The following STAM2 variants were observed in gnomAD, a reference collection of about 807,000 sequenced individuals.
STAM2 encodes signal transducing adapter molecule 2.
A neutral mutation model predicts 65.6 loss-of-function variants in STAM2; 51 were observed. That is an observed-to-expected ratio of 0.78 (90% CI 0.62 to 0.98). The LOEUF (loss-of-function observed/expected upper bound fraction) is 0.98, where lower values mean the gene tolerates loss of function less well. Ranked by LOEUF, STAM2 falls within the 50% of genes least tolerant of loss-of-function variation. The pLI, the probability that STAM2 is intolerant of heterozygous loss-of-function variation, is 0.00. For synonymous variants in STAM2, 198 were observed against 208.4 expected, an observed-to-expected ratio of 0.95 and a Z score of 0.43; for missense variants, 584 against 617.8, an observed-to-expected ratio of 0.95 and a Z score of 0.58.
rs1162441884 is a variant in STAM2, at chr2:152,118,460, A to ATATATATATATATG, written c.*2113_*2114insCATATATATATATA. 2 of 149,134 alleles carry ATATATATATATATG rather than the reference A, an allele frequency of 1.3e-5. No individual in the cohort carries two copies. Among genetic ancestry groups the ATATATATATATATG allele is most frequent in the African/African-American group, 4.9e-5 (2 of 40,676 alleles). 9.2% of individuals were successfully genotyped at this position (149,134 alleles called of 1,614,324 possible). A position where few individuals can be genotyped will look rare whatever the true frequency, so the allele number is the denominator to read the frequency against. ...ATACTATATATTTATATATATATATATGTGTCATGTTTTATTATTCTAAAA... is the reference window on the plus strand; with the variant it reads ...ATACTATATATTTATATATATATATATATATATATATATGTGTGTCATGTTTTATTATTCTAAAA... On this transcript the variant is annotated 3_prime_UTR_variant, in exon 14 of 14. Coordinates refer to ENST00000263904, the MANE Select transcript of STAM2 (RefSeq NM_005843.6).
chr2:152,120,647 C>T lies in STAM2; in HGVS notation c.1505G>A (p.Gly502Asp). Residue 502 changes from glycine to aspartate, a missense_variant, in exon 14 of 14, where the codon GGC (glycine) becomes GAC (aspartate). Coordinates refer to ENST00000263904, the MANE Select transcript of STAM2 (RefSeq NM_005843.6). ...NTTSNLPQLAGFPVTVPAHPV... is the reference protein window; with the variant it reads ...NTTSNLPQLADFPVTVPAHPV... Reference sequence around the variant, plus strand: ...ATGAGCTGGAACTGTCACCGGAAAGCCTGCCAGTTGAGGCAAATTGGAAGT... The same window carrying T: ...ATGAGCTGGAACTGTCACCGGAAAGTCTGCCAGTTGAGGCAAATTGGAAGT... 6.2e-7 allele frequency: 1 copy of T among 1,614,108 alleles called. No individual in the cohort carries two copies. The highest frequency in any genetic ancestry group is 8.5e-7 in the Non-Finnish European group (1 of 1,180,022).
At chr2:152,161,494 T>TAAAAAA (rs10714838) in intron 1 of STAM2, among the ~76,000 whole-genome samples, 44 of 103,504 alleles carry the variant, frequency 4.3e-4, no homozygotes, top group South Asian at 6.9e-4. Flanking sequence ...GAATGATCAA[T>TAAAAAA]AAAAAAAAAA....
chr2:152,124,864 C>T (rs771362065), intron 12 of STAM2, among the ~76,000 whole-genome samples: 1 of 152,136 alleles, frequency 6.6e-6, no homozygotes, highest in African/African-American at 2.4e-5. Flanking sequence ...GTAGCCTACA[C>T]AATATAACTA....
At chr2:152,138,892 G>A (rs1017948878) in intron 7 of STAM2, among the ~76,000 whole-genome samples, 8 of 152,138 alleles carry the variant, frequency 5.3e-5, no homozygotes, top group Admixed American at 2.0e-4. Context: ...GGATGCAAGC[G>A]TTTTATATGA....
Position 152,116,833 on chromosome 2 carries a change from G to A in STAM2, c.*3741C>T, listed in dbSNP as rs1456485840. On this transcript the variant is annotated 3_prime_UTR_variant, in exon 14 of 14. Transcript: ENST00000263904. ...TAAATAACTTTTATTAGAGTATATT[G>A]TTACAACTCTTTCATCTTATTAGTT... is the stretch of plus-strand genomic sequence containing the variant. The A allele has an allele frequency of 6.6e-6, 1 of 152,196 alleles. No individual in the cohort carries two copies. The highest frequency in any genetic ancestry group is 1.5e-5 in the Non-Finnish European group (1 of 68,036). 9.4% of individuals were successfully genotyped at this position (152,196 alleles called of 1,614,324 possible).
intron 1 of STAM2, among the ~76,000 whole-genome samples, chr2:152,159,739 TC>T (rs946348765): frequency 5.9e-5 from 9 of 152,118 alleles, no homozygotes; most frequent in African/African-American, 2.2e-4. Flanking sequence ...CCCCACAGTC[TC>T]CCTCTCCCTC....
chr2:152,128,379 C>T (rs1482219274), intron 11 of STAM2, among the ~76,000 whole-genome samples: 1 of 151,738 alleles, frequency 6.6e-6, no homozygotes, highest in Admixed American at 6.6e-5. Flanking sequence ...CACCACTGCA[C>T]TCCAGCCTGG....
At position 152,119,778 on chromosome 2, in the gene STAM2, G is replaced by C. The variant is rs1313071033; in HGVS notation, c.*796C>G. On this transcript the variant is annotated 3_prime_UTR_variant, in exon 14 of 14. Coordinates refer to ENST00000263904, the MANE Select transcript of STAM2 (RefSeq NM_005843.6). ...TTTCCTCAGGGAATGGAAATGTTTT[G>C]TGGGACATTCCTTCACAGTTGGCAT... 1.3e-5 allele frequency: 2 copies of C among 152,194 alleles called. No individual in the cohort carries two copies. Among genetic ancestry groups the C allele is most frequent in the Non-Finnish European group, 2.9e-5 (2 of 68,034 alleles). The allele number at this position is 152,194 out of a possible 1,614,324, so 9.4% of individuals were successfully genotyped here. A position where few individuals can be genotyped will look rare whatever the true frequency, so the allele number is the denominator to read the frequency against.
At position 152,129,832 on chromosome 2, in the gene STAM2, T is replaced by C. The variant is rs114266295; in HGVS notation, c.1025+2282A>G. ...ATGTGTAACGAGATATTTAATGCTT[T>C]CTCTAAAATATGGCAAAACTACTGT... is the stretch of plus-strand genomic sequence containing the variant. On this transcript the variant is annotated intron_variant, in intron 11 of 13. Coordinates refer to ENST00000263904, the MANE Select transcript of STAM2 (RefSeq NM_005843.6). 5.3e-3 allele frequency among the ~76,000 whole-genome samples: 801 copies of C among 152,336 alleles called. 4 individuals carry two copies. The highest frequency in any genetic ancestry group is 0.018 in the African/African-American group (763 of 41,566).
chr2:152,133,054 GT>G (rs1305790604), intron 10 of STAM2, 118 bp downstream of exon 10: 2 of 362,380 alleles, frequency 5.5e-6, no homozygotes, highest in Non-Finnish European at 9.1e-6. Flanking sequence ...GTACTAGTCT[GT>G]TCCCCACCGG....
intron 7 of STAM2, among the ~76,000 whole-genome samples, chr2:152,140,624 T>G (rs1352640907): frequency 6.6e-6 from 1 of 152,236 alleles, no homozygotes; most frequent in Non-Finnish European, 1.5e-5. Context: ...GTTTTACTTT[T>G]TAACATGGGG....
chr2:152,151,700 C>A (rs1170425464), intron 1 of STAM2, among the ~76,000 whole-genome samples: 2 of 152,178 alleles, frequency 1.3e-5, no homozygotes, highest in Non-Finnish European at 2.9e-5. Flanking sequence ...TACGCAACCA[C>A]TTGTCTACTT....
Position 152,119,116 on chromosome 2 carries a change from G to A in STAM2, c.*1458C>T, listed in dbSNP as rs538020755. Reference sequence around the variant, plus strand: ...ACAAATATAGAAATCTTGCTTCCACGTAACTTTTTAAAAACTAATGTCCAT... The same window carrying A: ...ACAAATATAGAAATCTTGCTTCCACATAACTTTTTAAAAACTAATGTCCAT... On this transcript the variant is annotated 3_prime_UTR_variant, in exon 14 of 14. Transcript: ENST00000263904. The A allele has an allele frequency of 2.6e-5, 4 of 152,106 alleles. No individual in the cohort carries two copies. The highest frequency in any genetic ancestry group is 1.9e-4 in the East Asian group (1 of 5,182). 9.4% of individuals were successfully genotyped at this position (152,106 alleles called of 1,614,324 possible). A position where few individuals can be genotyped will look rare whatever the true frequency, so the allele number is the denominator to read the frequency against.
chr2:152,131,950 TA>T lies in STAM2; in HGVS notation c.1025+163del, dbSNP rs543782439. On this transcript the variant is annotated intron_variant, in intron 11 of 13. Coordinates refer to ENST00000263904, the MANE Select transcript of STAM2 (RefSeq NM_005843.6). ...GTTTTTTAGAAAAACAAAAACAAGATAAAAAGCACCACCTTGCTATAAATTT... is the reference window on the plus strand; with the variant it reads ...GTTTTTTAGAAAAACAAAAACAAGATAAAAGCACCACCTTGCTATAAATTT... 2.6e-4 allele frequency: 147 copies of T among 571,518 alleles called. 3 individuals are homozygous for T. In the East Asian group the frequency reaches 4.2e-3, roughly 16 times the overall value. The allele number at this position is 571,518 out of a possible 1,614,324, so 35.4% of individuals were successfully genotyped here.
intron 1 of STAM2, among the ~76,000 whole-genome samples, chr2:152,160,733 T>A (rs1689654428): frequency 1.4e-5 from 2 of 142,344 alleles, no homozygotes; most frequent in African/African-American, 5.4e-5. Flanking sequence ...AGCTGCCCCA[T>A]CCGGGAGGTG....
intron 7 of STAM2, among the ~76,000 whole-genome samples, chr2:152,141,694 G>A (rs1292302355): frequency 2.0e-5 from 3 of 151,332 alleles, no homozygotes; most frequent in Non-Finnish European, 4.4e-5. Flanking sequence ...GGGTTCCAGC[G>A]ATTCTCCTGC....
intron 7 of STAM2, among the ~76,000 whole-genome samples, chr2:152,136,842 G>A (rs1441786159): frequency 1.3e-5 from 2 of 151,366 alleles, no homozygotes; most frequent in African/African-American, 4.9e-5. Flanking sequence ...ATTTCTCTGC[G>A]CTTATTCACA....
At chr2:152,166,765 A>C (rs1205949556) in intron 1 of STAM2, among the ~76,000 whole-genome samples, 1 of 152,224 alleles carries the variant, frequency 6.6e-6, no homozygotes, top group East Asian at 1.9e-4. Context: ...AGATTTCTTT[A>C]AGCAGATCTT....
chr2:152,144,156 G>T, intron 6 of STAM2, 143 bp from the exon 7 acceptor site: 1 of 635,854 alleles, frequency 1.6e-6, no homozygotes, highest in Non-Finnish European at 2.6e-6. Flanking sequence ...GGGAGGGTGG[G>T]GCAGGGCAGG....
Sources: gnomAD v4.1 joint callset for allele counts (sites outside exome capture counted in the v4.1 genomes callset) on GRCh38, gnomAD v4.1.1 for gene constraint, MANE v1.5 for transcripts, NCBI Gene and HGNC (gene_info 2026-07-23, HGNC 2026-07-21) for gene names.